Variants in PCF11 observed in about 807,000 individuals in gnomAD.
PCF11 encodes the protein PCF11 cleavage and polyadenylation factor subunit, also known as pre-mRNA cleavage complex 2 protein Pcf11.
In PCF11, 19 loss-of-function variants were observed where a neutral mutation model predicts 166.1. That is an observed-to-expected ratio of 0.11 (90% CI 0.08 to 0.17). The LOEUF (loss-of-function observed/expected upper bound fraction) is 0.17. Ranked by LOEUF, PCF11 falls within the 10% of genes least tolerant of loss-of-function variation. PCF11 has a pLI of 1.00. For synonymous variants in PCF11, 663 were observed against 644.1 expected, an observed-to-expected ratio of 1.03 and a Z score of -0.44; for missense variants, 1,565 against 1,855.5, an observed-to-expected ratio of 0.84 and a Z score of 2.88.
At chr11:83,175,002 G>T (rs1031230169) in intron 9 of PCF11, among the ~76,000 whole-genome samples, 1 of 152,244 alleles carries the variant, frequency 6.6e-6, no homozygotes, top group East Asian at 1.9e-4. Context: ...GTATACAGTG[G>T]TTAAGGGTAG....
chr11:83,169,601 G>A, exon 8 of PCF11: 1 of 1,613,892 alleles, frequency 6.2e-7, no homozygotes, highest in Non-Finnish European at 8.5e-7. Context: ...AGATTTGACG[G>A]TGTACCTCAA....
intron 1 of PCF11, among the ~76,000 whole-genome samples, chr11:83,160,789 C>A (rs1565150123): frequency 1.3e-5 from 2 of 152,178 alleles, no homozygotes; most frequent in Non-Finnish European, 2.9e-5. Flanking sequence ...TTGCCATTGA[C>A]TTCCTAGGTG....
At position 83,167,783 on chromosome 11, in the gene PCF11, A is replaced by G. The variant is rs1391974109; in HGVS notation, c.2092+278A>G. The G allele has an allele frequency of 7.1e-7, 1 of 1,399,990 alleles. No homozygotes were observed. The highest frequency in any genetic ancestry group is 9.4e-7 in the Non-Finnish European group (1 of 1,061,328). 86.7% of individuals were successfully genotyped at this position (1,399,990 alleles called of 1,614,324 possible). ...GTGGAGCACAGTTTGACAGAAAAGA[A>G]CAATTTAGTGAAAGAGCAAGACGTC... On this transcript the variant is annotated intron_variant, in intron 7 of 15. Coordinates refer to ENST00000298281, the Ensembl canonical transcript of PCF11. The surrounding 1 kb of genome is among the most constrained non-coding windows in gnomAD (Gnocchi z 4.2).
chr11:83,163,779 C>T, exon 3 of PCF11: 1 of 1,592,302 alleles, frequency 6.3e-7, no homozygotes, highest in East Asian at 2.3e-5. Flanking sequence ...AGAGTCAATT[C>T]ATTAGATCCT....
chr11:83,161,573 A>T, intron 2 of PCF11, 121 bp downstream of exon 2: 1 of 672,750 alleles, frequency 1.5e-6, no homozygotes, highest in Non-Finnish European at 2.4e-6. Flanking sequence ...TTGGACATTT[A>T]TCGTTAGTAC....
chr11:83,186,406 T>C (rs1311420358), exon 16 of PCF11: 1 of 152,280 alleles, frequency 6.6e-6, no homozygotes. Context: ...TGATGAGCCA[T>C]TAATTTTTTT....
chr11:83,166,958 C>T (rs1216189912), intron 5 of PCF11, among the ~76,000 whole-genome samples, 167 bp from the exon 6 acceptor site: 2 of 152,054 alleles, frequency 1.3e-5, no homozygotes, highest in Non-Finnish European at 2.9e-5. Context: ...GAATTCATAT[C>T]TGTTTTTGCT....
At chr11:83,164,075 GTTT>G in intron 3 of PCF11, 129 bp from the exon 4 acceptor site, 2 of 651,738 alleles carry the variant, frequency 3.1e-6, no homozygotes, top group Non-Finnish European at 5.1e-6. Context: ...TTTATTTTGG[GTTT>G]TAAATTTCTG....
chr11:83,167,516 A>G lies in PCF11; in HGVS notation c.2092+11A>G. On this transcript the variant is annotated intron_variant, in intron 7 of 15. Transcript: ENST00000298281. The surrounding 1 kb of genome is among the most constrained non-coding windows in gnomAD (Gnocchi z 4.2). ...TTCAGTATCAAGAAGGTAAACATAG[A>G]TGCAATGTACGGGATAGTCCTACAG... The G allele has an allele frequency of 1.2e-6, 2 of 1,610,446 alleles. No homozygotes were observed. The highest frequency in any genetic ancestry group is 1.7e-6 in the Non-Finnish European group (2 of 1,178,228).
At chr11:83,168,406 TA>T in intron 7 of PCF11, 21 bp from the exon 8 acceptor site, 1 of 1,544,890 alleles carries the variant, frequency 6.5e-7, no homozygotes, top group East Asian at 2.3e-5. Flanking sequence ...TTAGTGAAAA[TA>T]ATTTTTTTCC....
exon 16 of PCF11, chr11:83,185,756 T>C (rs1016809706): frequency 6.6e-6 from 1 of 152,648 alleles, no homozygotes; most frequent in Non-Finnish European, 1.5e-5. Context: ...CCATGAGATG[T>C]TAATATTCAT....
chr11:83,157,423 AG>A lies in PCF11; in HGVS notation c.-11del, dbSNP rs779012587. ...CAGCTTCAGCTGCAGCGGACCTCGG[AG>A]GGGGGCCGCGGCGCAATGTCAGAGC... On this transcript the variant is annotated 5_prime_UTR_variant, in exon 1 of 16. Coordinates refer to ENST00000298281, the Ensembl canonical transcript of PCF11. The A allele has an allele frequency of 3.9e-5, 62 of 1,601,884 alleles. 1 individual carries two copies. The East Asian group carries it at 4.2e-4, about 11-fold the overall frequency.
intron 8 of PCF11, 63 bp from the exon 9 acceptor site, chr11:83,171,755 G>T: frequency 1.2e-6 from 1 of 831,502 alleles, no homozygotes; most frequent in South Asian, 1.4e-5. Flanking sequence ...ATGTAATTAG[G>T]ATGTTAAAAG....
intron 12 of PCF11, among the ~76,000 whole-genome samples, chr11:83,181,439 G>C (rs1197051205): frequency 2.0e-5 from 3 of 150,156 alleles, no homozygotes; most frequent in Admixed American, 2.0e-4. Context: ...TAGCATACAG[G>C]CTTGTTCTAG....
At chr11:83,185,597 G>A (rs1245471962) in exon 16 of PCF11, 5 of 150,038 alleles carry the variant, frequency 3.3e-5, no homozygotes, top group African/African-American at 5.0e-5. Context: ...AAGTACTAAA[G>A]GTGATTTTTT....
intron 2 of PCF11, 100 bp downstream of exon 2, chr11:83,161,552 G>A (rs1860254580): frequency 3.4e-6 from 3 of 870,714 alleles, no homozygotes; most frequent in East Asian, 2.9e-5. Flanking sequence ...GTGGTGAAAT[G>A]TTTTATACTT....
intron 8 of PCF11, chr11:83,171,221 C>T (rs1860678602): frequency 2.3e-6 from 1 of 426,776 alleles, no homozygotes; most frequent in Admixed American, 2.8e-5. Flanking sequence ...TTTTACAAGA[C>T]CTTTTACAAG....
intron 9 of PCF11, among the ~76,000 whole-genome samples, chr11:83,174,214 T>G (rs1487090674): frequency 6.6e-6 from 1 of 152,200 alleles, no homozygotes; most frequent in African/African-American, 2.4e-5. Context: ...TATATTTAGC[T>G]TCTCTCAAGG....
intron 1 of PCF11, 36 bp downstream of exon 1, chr11:83,157,667 ATAC>A: frequency 6.4e-7 from 1 of 1,567,066 alleles, no homozygotes; most frequent in Non-Finnish European, 8.8e-7. Flanking sequence ...ATTACTTCTA[ATAC>A]TCCCTGATTT....
Sources: allele counts gnomAD v4.1 joint callset (sites outside exome capture counted in the v4.1 genomes callset), GRCh38; gene constraint gnomAD v4.1.1; non-coding constraint Gnocchi (gnomAD v3.1); transcripts MANE v1.5; gene names NCBI Gene and HGNC (gene_info 2026-07-23, HGNC 2026-07-21).